Variants in SYNE1 observed in about 807,000 individuals in gnomAD.
The protein encoded by SYNE1 is spectrin repeat containing nuclear envelope protein 1.
Under a neutral mutation model 1,111.0 loss-of-function variants are expected in SYNE1, and 616 were observed. That is an observed-to-expected ratio of 0.55 (90% CI 0.52 to 0.59). SYNE1 has a LOEUF of 0.59. SYNE1 is among the 20% of genes least tolerant of loss of function. SYNE1 has a pLI of 0.00. For missense variants in SYNE1, 10,006 were observed against 10,417.0 expected (o/e 0.96, Z 1.72); for synonymous variants, 3,855 against 3,825.8 (o/e 1.01, Z -0.28).
chr6:152,132,095 A>G (rs776667382), intron 144 of SYNE1, 27 bp downstream of exon 144: 4 of 1,606,898 alleles, frequency 2.5e-6, no homozygotes, highest in Non-Finnish European at 2.6e-6. Flanking sequence ...CCCATGGGCC[A>G]ACTGAAAACG....
intron 72 of SYNE1, 90 bp from the exon 73 acceptor site, chr6:152,347,325 A>T: frequency 6.9e-7 from 1 of 1,453,224 alleles, no homozygotes. Flanking sequence ...TTCACTGTTT[A>T]ATATTGTTTT....
intron 58 of SYNE1, among the ~76,000 whole-genome samples, chr6:152,373,722 G>A (rs562781112): frequency 2.0e-5 from 3 of 152,254 alleles, no homozygotes; most frequent in East Asian, 3.9e-4. Flanking sequence ...CAAAAAGGTG[G>A]TGAGCAATCT....
intron 98 of SYNE1, chr6:152,277,479 G>C (rs1589220046): frequency 6.6e-6 from 1 of 150,566 alleles, no homozygotes; most frequent in African/African-American, 2.5e-5. Context: ...GCAGAGATGG[G>C]GTTTCACCAT....
chr6:152,387,914 T>C (rs1229834711), intron 53 of SYNE1, among the ~76,000 whole-genome samples: 1 of 152,154 alleles, frequency 6.6e-6, no homozygotes, highest in Non-Finnish European at 1.5e-5. Flanking sequence ...TTGTGTCGAA[T>C]GTGTGAATGA....
chr6:152,141,744 G>A (rs2058591269), intron 138 of SYNE1, among the ~76,000 whole-genome samples: 1 of 151,840 alleles, frequency 6.6e-6, no homozygotes, highest in South Asian at 2.1e-4. Context: ...GACAGAGTGA[G>A]ACCCAGTCTC....
intron 3 of SYNE1, among the ~76,000 whole-genome samples, chr6:152,596,978 T>A (rs1429180464): frequency 2.6e-5 from 4 of 152,194 alleles, no homozygotes; most frequent in Non-Finnish European, 5.9e-5. Context: ...GGGGAAAATG[T>A]GGGCACTAAA....
At chr6:152,196,098 G>C (rs754164169) in intron 127 of SYNE1, among the ~76,000 whole-genome samples, 5 of 151,030 alleles carry the variant, frequency 3.3e-5, no homozygotes, top group Non-Finnish European at 5.9e-5. Context: ...CATTGCTGAT[G>C]TTTACATTAG....
chr6:152,418,361 C>T (rs2098197423), intron 40 of SYNE1, among the ~76,000 whole-genome samples: 1 of 152,140 alleles, frequency 6.6e-6, no homozygotes, highest in South Asian at 2.1e-4. Flanking sequence ...GAGCACCTTC[C>T]CCCAAGATGT....
chr6:152,516,216 T>C (rs2099110988), intron 6 of SYNE1, among the ~76,000 whole-genome samples: 1 of 152,198 alleles, frequency 6.6e-6, no homozygotes, highest in Non-Finnish European at 1.5e-5. Context: ...CCGACAAGAA[T>C]GTTTCAGGGA....
At chr6:152,498,502 A>G (rs2099011558) in intron 11 of SYNE1, among the ~76,000 whole-genome samples, 1 of 152,210 alleles carries the variant, frequency 6.6e-6, no homozygotes, top group Admixed American at 6.5e-5. Context: ...TAATTGATAG[A>G]TACCATTTTA....
chr6:152,529,288 A>T (rs2099183600), intron 4 of SYNE1, among the ~76,000 whole-genome samples: 1 of 152,234 alleles, frequency 6.6e-6, no homozygotes, highest in Non-Finnish European at 1.5e-5. Flanking sequence ...TAATTACTTT[A>T]TGCATGAACA....
At chr6:152,520,819 A>G (rs2099135218) in intron 5 of SYNE1, among the ~76,000 whole-genome samples, 1 of 152,192 alleles carries the variant, frequency 6.6e-6, no homozygotes, top group Non-Finnish European at 1.5e-5. Context: ...GAAATTATTT[A>G]CTGAGACCTC....
intron 97 of SYNE1, among the ~76,000 whole-genome samples, chr6:152,281,349 T>C (rs1233030283): frequency 2.0e-5 from 3 of 152,316 alleles, no homozygotes; most frequent in Admixed American, 2.0e-4. Context: ...AAGACAGCCT[T>C]CCCATCTTCA....
At chr6:152,179,930 A>G (rs535730053) in intron 129 of SYNE1, among the ~76,000 whole-genome samples, 20 of 151,564 alleles carry the variant, frequency 1.3e-4, no homozygotes, top group Admixed American at 2.6e-4. Flanking sequence ...TGATCTGCCC[A>G]CCTCAGCCTC....
intron 5 of SYNE1, among the ~76,000 whole-genome samples, chr6:152,525,409 A>G (rs1353712610): frequency 6.6e-6 from 1 of 152,194 alleles, no homozygotes; most frequent in Non-Finnish European, 1.5e-5. Context: ...TATGGTAAAC[A>G]TTATTTATAA....
rs147898178 is a variant in SYNE1 at position 152,234,958 on chromosome 6, T to C, written c.20397-158A>G. ...CACTCTGAAATTTTCTTCATATTGATACCTTTATCAAGCCTGTCTCTCTGG... is the reference window on the plus strand; with the variant it reads ...CACTCTGAAATTTTCTTCATATTGACACCTTTATCAAGCCTGTCTCTCTGG... On this transcript the variant is annotated intron_variant, in intron 110 of 145. Coordinates refer to ENST00000367255, the MANE Select transcript of SYNE1 (RefSeq NM_182961.4). 1.9e-3 allele frequency among the ~76,000 whole-genome samples: 297 copies of C among 152,316 alleles called. 1 individual carries two copies. The highest frequency in any genetic ancestry group is 7.0e-3 in the African/African-American group (289 of 41,580).
chr6:152,203,657 A>G (rs556743011), intron 126 of SYNE1, among the ~76,000 whole-genome samples: 1 of 152,320 alleles, frequency 6.6e-6, no homozygotes, highest in South Asian at 2.1e-4. Flanking sequence ...ATAACAACCC[A>G]GAGGTGTTAT....
intron 119 of SYNE1, among the ~76,000 whole-genome samples, chr6:152,220,445 T>C (rs1383883212): frequency 2.0e-5 from 3 of 152,174 alleles, no homozygotes; most frequent in African/African-American, 7.2e-5. Flanking sequence ...GATGAAACTA[T>C]TGTGTAGATG....
intron 44 of SYNE1, among the ~76,000 whole-genome samples, chr6:152,408,433 A>C (rs1284129881): frequency 6.6e-6 from 1 of 152,204 alleles, no homozygotes; most frequent in Non-Finnish European, 1.5e-5. Context: ...TTATGGTGTA[A>C]TATTCTATAG....
Sources: gnomAD v4.1 joint callset for allele counts (sites outside exome capture counted in the v4.1 genomes callset) on GRCh38, gnomAD v4.1.1 for gene constraint, MANE v1.5 for transcripts, NCBI Gene and HGNC (gene_info 2026-07-23, HGNC 2026-07-21) for gene names.